Variants in ACACA observed in about 807,000 individuals in gnomAD.
ACACA encodes acetyl-CoA carboxylase 1.
A neutral mutation model predicts 296.1 loss-of-function variants in ACACA; 103 were observed. The ratio of observed to expected loss-of-function variants is 0.35; its 90% CI spans 0.30 to 0.41. The LOEUF (loss-of-function observed/expected upper bound fraction) is 0.41. Among genes scored for constraint, ACACA ranks in the 10% least tolerant of loss-of-function variants. ACACA has a pLI of 1.00. For missense variants in ACACA, 1,554 were observed against 2,989.7 expected, an observed-to-expected ratio of 0.52 and a Z score of 11.20; for synonymous variants, 953 against 1,038.6, an observed-to-expected ratio of 0.92 and a Z score of 1.58.
chr17:37,350,700 A>T (rs2048859517), intron 1 of ACACA, among the ~76,000 whole-genome samples: 2 of 151,520 alleles, frequency 1.3e-5, no homozygotes, highest in South Asian at 4.2e-4. Flanking sequence ...TTATCCGGGC[A>T]TGGTGGCGCA....
chr17:37,089,613 A>T (rs1249128503), intron 54 of ACACA, among the ~76,000 whole-genome samples: 1 of 152,132 alleles, frequency 6.6e-6, no homozygotes, highest in Non-Finnish European at 1.5e-5. Context: ...CGGACGGGGA[A>T]CTGATGGGAG....
intron 3 of ACACA, among the ~76,000 whole-genome samples, chr17:37,317,687 A>G (rs563602053): frequency 6.6e-5 from 10 of 152,328 alleles, no homozygotes; most frequent in Admixed American, 6.5e-4. Context: ...GAAAGAAAAG[A>G]GGGGGAAATG....
intron 28 of ACACA, chr17:37,222,133 T>TA: frequency 4.6e-6 from 2 of 436,760 alleles, no homozygotes; most frequent in South Asian, 4.6e-5. Context: ...GTTTAATCTT[T>TA]AGCAAAAGAC....
intron 27 of ACACA, 143 bp downstream of exon 27, chr17:37,224,849 A>G (rs897841281): frequency 4.9e-6 from 2 of 406,456 alleles, no homozygotes; most frequent in African/African-American, 4.2e-5. Context: ...ATCATTTTAG[A>G]AAGTCAAGAT....
chr17:37,343,855 T>C (rs1307195112), intron 1 of ACACA, among the ~76,000 whole-genome samples: 2 of 151,966 alleles, frequency 1.3e-5, no homozygotes, highest in Non-Finnish European at 2.9e-5. Flanking sequence ...TGGTTATTAA[T>C]TCAGTGATTC....
intron 3 of ACACA, among the ~76,000 whole-genome samples, chr17:37,311,975 G>C (rs2084173094): frequency 6.6e-6 from 1 of 152,080 alleles, no homozygotes. Flanking sequence ...ACCTCAGATG[G>C]GCATGGTGAC....
intron 1 of ACACA, among the ~76,000 whole-genome samples, chr17:37,401,752 C>T (rs2051300301): frequency 6.6e-6 from 1 of 151,980 alleles, no homozygotes; most frequent in Admixed American, 6.6e-5. Context: ...TAGAGTTGAA[C>T]TCTCACTAAG....
At chr17:37,345,643 G>T (rs964347821) in intron 1 of ACACA, among the ~76,000 whole-genome samples, 9 of 152,196 alleles carry the variant, frequency 5.9e-5, no homozygotes, top group African/African-American at 1.9e-4. Flanking sequence ...AAAAACTACA[G>T]GGGTCGAGGG....
chr17:37,125,631 C>G, intron 48 of ACACA, 67 bp downstream of exon 48: 1 of 1,307,108 alleles, frequency 7.7e-7, no homozygotes, highest in East Asian at 2.4e-5. Flanking sequence ...ATCTATAGAG[C>G]CATGGCTCTT....
intron 3 of ACACA, among the ~76,000 whole-genome samples, chr17:37,326,917 C>A (rs1371625883): frequency 6.6e-6 from 1 of 152,124 alleles, no homozygotes; most frequent in Non-Finnish European, 1.5e-5. Flanking sequence ...TCATCTCCAT[C>A]GCAGGAAAAG....
intron 1 of ACACA, among the ~76,000 whole-genome samples, chr17:37,399,114 G>A (rs1379820859): frequency 6.6e-6 from 1 of 151,278 alleles, no homozygotes; most frequent in Non-Finnish European, 1.5e-5. Context: ...CAAGTAGTTG[G>A]GATTATAAGC....
At chr17:37,315,930 T>C (rs1171360660) in intron 3 of ACACA, among the ~76,000 whole-genome samples, 1 of 152,164 alleles carries the variant, frequency 6.6e-6, no homozygotes, top group Non-Finnish European at 1.5e-5. Context: ...GAGAGCAGAC[T>C]TGAAAGTTCC....
chr17:37,261,777 A>T (rs1339943613), intron 11 of ACACA, among the ~76,000 whole-genome samples: 2 of 152,324 alleles, frequency 1.3e-5, no homozygotes, highest in Non-Finnish European at 2.9e-5. Flanking sequence ...TGCAATTCCT[A>T]CCTAAAAAGG....
At chr17:37,347,456 G>A (rs989198741) in intron 1 of ACACA, among the ~76,000 whole-genome samples, 4 of 152,086 alleles carry the variant, frequency 2.6e-5, no homozygotes, top group African/African-American at 9.7e-5. Flanking sequence ...ACCACACCCA[G>A]CTAGCTTTTT....
In ACACA at chr17:37,181,228, T is replaced by C. The variant is rs2077306140; in HGVS notation, c.4905A>G (p.Ile1635Met). 3.1e-6 allele frequency: 5 copies of C among 1,614,018 alleles called. No homozygotes were observed. The highest frequency in any genetic ancestry group is 4.2e-6 in the Non-Finnish European group (5 of 1,179,998). ...FQAQSLGTTY[I>M]YDIPEMFRQS... Reference sequence around the variant, plus strand: ...GCCGAAACATCTCTGGGATATCATATATGTATGTTGTCCCTAAGGATTGTG... The same window carrying C: ...GCCGAAACATCTCTGGGATATCATACATGTATGTTGTCCCTAAGGATTGTG... The change falls in exon 40 of 56, where the codon ATA becomes ATG. Residue 1635 changes from isoleucine to methionine, a missense_variant. Around this residue, in one of 16 missense-constraint regions of ACACA, gnomAD observed 553 missense variants for 1,043.6 expected, o/e 0.53. Coordinates refer to ENST00000616317, the MANE Select transcript of ACACA (RefSeq NM_198834.3).
intron 33 of ACACA, among the ~76,000 whole-genome samples, chr17:37,202,710 T>TATATAC (rs2078317546): frequency 1.1e-4 from 2 of 18,180 alleles, no homozygotes; most frequent in African/African-American, 5.4e-4. Flanking sequence ...TATATATATA[T>TATATAC]ATACACACAC....
At chr17:37,125,645 T>G in intron 48 of ACACA, 53 bp downstream of exon 48, 1 of 1,432,290 alleles carries the variant, frequency 7.0e-7, no homozygotes, top group Non-Finnish European at 9.8e-7. Flanking sequence ...GGCTCTTTCT[T>G]TCTTATTTTT....
chr17:37,281,866 A>C (rs539901368), intron 5 of ACACA, among the ~76,000 whole-genome samples: 1 of 152,220 alleles, frequency 6.6e-6, no homozygotes, highest in Non-Finnish European at 1.5e-5. Flanking sequence ...CTCCCTCTCA[A>C]AAGAAAAAAG....
At chr17:37,267,616 A>C (rs1194339765) in intron 10 of ACACA, among the ~76,000 whole-genome samples, 1 of 152,180 alleles carries the variant, frequency 6.6e-6, no homozygotes, top group Admixed American at 6.5e-5. Flanking sequence ...GCTGGAATGC[A>C]GTGGCATGAC....
Sources: allele counts gnomAD v4.1 joint callset (sites outside exome capture counted in the v4.1 genomes callset), GRCh38; gene constraint gnomAD v4.1.1; regional missense constraint gnomAD v4.1.1; transcripts MANE v1.5; gene names NCBI Gene and HGNC (gene_info 2026-07-23, HGNC 2026-07-21).